GMCL1: variants seen among roughly 807,000 people sequenced by gnomAD.
GMCL1 encodes germ cell-less protein-like 1.
In GMCL1, 54 loss-of-function variants were observed where a neutral mutation model predicts 75.5. The ratio of observed to expected loss-of-function variants is 0.71; its 90% CI spans 0.57 to 0.90. The LOEUF (loss-of-function observed/expected upper bound fraction) is 0.90. Among genes scored for constraint, GMCL1 ranks in the 40% least tolerant of loss-of-function variants. The pLI is 0.00. For synonymous variants in GMCL1, 210 were observed against 209.6 expected (o/e 1.00, Z -0.02); for missense variants, 537 against 622.7 (o/e 0.86, Z 1.47).
intron 2 of GMCL1, among the ~76,000 whole-genome samples, chr2:69,838,813 A>G (rs978248851): frequency 5.9e-5 from 9 of 152,240 alleles, no homozygotes; most frequent in Non-Finnish European, 2.9e-5. Flanking sequence ...TTCAAGCCAC[A>G]TGCTAAAATA....
chr2:69,840,998 C>G lies in GMCL1; in HGVS notation c.538C>G (p.Arg180Gly), dbSNP rs760574106. 1.2e-6 allele frequency: 2 copies of G among 1,613,774 alleles called. No individual in the cohort carries two copies. The highest frequency in any genetic ancestry group is 2.7e-5 in the African/African-American group (2 of 74,902). ...AGATGATGTCTTGATAAAGCCCAGT[C>G]GAGTTGTTGCCATTTTGGCAGCAGC... is the stretch of plus-strand genomic sequence containing the variant. Reference protein sequence around the residue: ...YRDDVLIKPSRVVAILAAACL... With the variant: ...YRDDVLIKPSGVVAILAAACL... The change falls in exon 4 of 14, where the codon CGA becomes GGA. Residue 180 changes from arginine (R) to glycine (G), a missense_variant. This residue lies in a region of GMCL1 where 345 missense variants were observed against 410.5 expected (regional missense o/e 0.84). Transcript: ENST00000282570.
intron 1 of GMCL1, among the ~76,000 whole-genome samples, chr2:69,832,749 A>G (rs191865378): frequency 6.6e-6 from 1 of 152,332 alleles, no homozygotes. Flanking sequence ...ATTTAACGTA[A>G]TTATTGAAAT....
chr2:69,838,592 C>G (rs1005176197), intron 2 of GMCL1, among the ~76,000 whole-genome samples: 2 of 152,118 alleles, frequency 1.3e-5, no homozygotes, highest in African/African-American at 4.8e-5. Context: ...GAATTGCCTT[C>G]TCTAACATTT....
At chr2:69,867,883 C>A (rs923322666) in intron 11 of GMCL1, among the ~76,000 whole-genome samples, 6 of 152,220 alleles carry the variant, frequency 3.9e-5, no homozygotes, top group Non-Finnish European at 8.8e-5. Flanking sequence ...ACCTTCTCTC[C>A]TTAAAAGGGC....
At chr2:69,844,105 G>A in intron 5 of GMCL1, 26 bp from the exon 6 acceptor site, 2 of 1,161,666 alleles carry the variant, frequency 1.7e-6, no homozygotes, top group East Asian at 2.6e-5. Flanking sequence ...GGCATATAAT[G>A]TAATAATTAT....
rs1355820428 is a variant in GMCL1 at position 69,881,085 on chromosome 2, G to A, written c.*2081G>A. 1 of 152,178 alleles carries A rather than the reference G, an allele frequency of 6.6e-6. No homozygotes were observed. The highest frequency in any genetic ancestry group is 1.5e-5 in the Non-Finnish European group (1 of 68,030). The allele number at this position is 152,178 out of a possible 1,614,324, so 9.4% of individuals were successfully genotyped here. A position where few individuals can be genotyped will look rare whatever the true frequency, so the allele number is the denominator to read the frequency against. ...ATCATATTAATGAATAAAGTTAACT[G>A]TTTCATTTCACTTACATAAGTTAAC... On this transcript the variant is annotated 3_prime_UTR_variant, in exon 14 of 14. Coordinates refer to ENST00000282570, the MANE Select transcript of GMCL1 (RefSeq NM_178439.5).
chr2:69,862,694 A>G (rs12475256), intron 10 of GMCL1, among the ~76,000 whole-genome samples: 12,055 of 152,036 alleles, frequency 0.079, 1,245 homozygotes, highest in Admixed American at 0.23. Flanking sequence ...GGGAGGCGGA[A>G]GTTGCAGTGA....
intron 1 of GMCL1, among the ~76,000 whole-genome samples, chr2:69,831,705 C>T (rs1674677324): frequency 1.3e-5 from 2 of 152,150 alleles, no homozygotes; most frequent in Non-Finnish European, 2.9e-5. Context: ...CTCACAGAAT[C>T]AGGCAATTCT....
chr2:69,877,275 C>T (rs921770965), intron 13 of GMCL1, among the ~76,000 whole-genome samples: 6 of 152,182 alleles, frequency 3.9e-5, no homozygotes, highest in Non-Finnish European at 5.9e-5. Context: ...GGGATTAATA[C>T]AATTTAATAT....
At chr2:69,830,298 G>T in intron 1 of GMCL1, 146 bp downstream of exon 1, 1 of 1,106,096 alleles carries the variant, frequency 9.0e-7, no homozygotes, top group South Asian at 1.6e-5. Flanking sequence ...GTGGAAGCCG[G>T]CCCGATGCGG....
intron 1 of GMCL1, among the ~76,000 whole-genome samples, chr2:69,833,016 G>C (rs1375540120): frequency 6.6e-6 from 1 of 152,178 alleles, no homozygotes; most frequent in African/African-American, 2.4e-5. Flanking sequence ...AGGAGGTGTG[G>C]CTGTAGCCCA....
At chr2:69,850,613 T>C (rs1675291152) in intron 8 of GMCL1, among the ~76,000 whole-genome samples, 1 of 152,192 alleles carries the variant, frequency 6.6e-6, no homozygotes, top group Admixed American at 6.5e-5. Flanking sequence ...ATCTTGAACT[T>C]CATGTTTATT....
chr2:69,861,949 C>T (rs1675662461), intron 10 of GMCL1, among the ~76,000 whole-genome samples: 2 of 151,996 alleles, frequency 1.3e-5, no homozygotes, highest in African/African-American at 4.8e-5. Context: ...TTGCGGTAAG[C>T]CAAAATTGCT....
chr2:69,830,907 G>T (rs563394522), intron 1 of GMCL1, among the ~76,000 whole-genome samples: 7 of 151,940 alleles, frequency 4.6e-5, no homozygotes, highest in Non-Finnish European at 1.0e-4. Context: ...GGTCACACAT[G>T]AAATTTTTTA....
At chr2:69,867,391 A>G (rs986777682) in intron 11 of GMCL1, among the ~76,000 whole-genome samples, 1 of 152,036 alleles carries the variant, frequency 6.6e-6, no homozygotes, top group Non-Finnish European at 1.5e-5. Flanking sequence ...TTTTTGCATT[A>G]TTAATTACTA....
chr2:69,831,159 TCTG>T (rs1416911606), intron 1 of GMCL1, among the ~76,000 whole-genome samples: 1 of 152,174 alleles, frequency 6.6e-6, no homozygotes, highest in East Asian at 1.9e-4. Context: ...CCTCAGGTGA[TCTG>T]CTGGCCTCAG....
In GMCL1 at chr2:69,844,157, T is replaced by C. The variant is rs939615290; in HGVS notation, c.719T>C (p.Leu240Ser). ...TGCCTTGAATGGCTTCTAAACAATT[T>C]GATGACTCACCAGAATGTTGAACTT... ...KKCLEWLLNN[L>S]MTHQNVELFK... The change falls in exon 6 of 14, where the codon TTG (leucine) becomes TCG (serine). Residue 240 changes from leucine to serine, a missense_variant. By Grantham distance (145) the Leu-to-Ser change is moderately radical. This residue lies in a region of GMCL1 where 345 missense variants were observed against 410.5 expected (regional missense o/e 0.84). Coordinates refer to ENST00000282570, the MANE Select transcript of GMCL1 (RefSeq NM_178439.5). The C allele has an allele frequency of 9.5e-6, 15 of 1,576,264 alleles. No homozygotes were observed. Among genetic ancestry groups the C allele is most frequent in the Non-Finnish European group, 1.3e-5 (15 of 1,160,088 alleles).
chr2:69,870,646 T>C (rs1273412548), intron 12 of GMCL1, among the ~76,000 whole-genome samples: 1 of 152,004 alleles, frequency 6.6e-6, no homozygotes, highest in Non-Finnish European at 1.5e-5. Context: ...TATAGAAAAC[T>C]CCTACAACTC....
At position 69,838,670 on chromosome 2, in the gene GMCL1, A is replaced by G. The variant is rs539858431; in HGVS notation, c.385-787A>G. On this transcript the variant is annotated intron_variant, in intron 2 of 13. Coordinates refer to ENST00000282570, the MANE Select transcript of GMCL1 (RefSeq NM_178439.5). ...GCTTGAAGTATGTTGCCCAGATACT[A>G]TATCAGAATATTGCTTTTAACTTCA... Among the ~76,000 whole-genome samples, 15 of 152,314 alleles carry G rather than the reference A, an allele frequency of 9.8e-5. No individual in the cohort carries two copies. In the East Asian group the frequency reaches 2.5e-3, roughly 25 times the overall value.
Sources: allele counts gnomAD v4.1 joint callset (sites outside exome capture counted in the v4.1 genomes callset), GRCh38; gene constraint gnomAD v4.1.1; regional missense constraint gnomAD v4.1.1; transcripts MANE v1.5; gene names NCBI Gene and HGNC (gene_info 2026-07-23, HGNC 2026-07-21).